Variants in CALD1 observed in about 807,000 individuals in gnomAD.
CALD1 encodes the protein caldesmon.
In CALD1, 33 loss-of-function variants were observed where a neutral mutation model predicts 99.9. The ratio of observed to expected loss-of-function variants is 0.33; its 90% CI spans 0.25 to 0.44. The LOEUF is 0.44. CALD1 is among the 20% of genes least tolerant of loss of function. The pLI is 1.00. For synonymous variants in CALD1, 310 were observed against 325.0 expected (o/e 0.95, Z 0.50); for missense variants, 861 against 962.1 (o/e 0.89, Z 1.39).
At chr7:134,763,134 G>A (rs1014598870) in intron 1 of CALD1, among the ~76,000 whole-genome samples, 3 of 152,096 alleles carry the variant, frequency 2.0e-5, no homozygotes, top group Admixed American at 6.5e-5. Context: ...TCTATCTAGA[G>A]TCACATATTG....
intron 7 of CALD1, among the ~76,000 whole-genome samples, chr7:134,945,135 T>G (rs1806757116): frequency 6.6e-6 from 1 of 152,220 alleles, no homozygotes; most frequent in African/African-American, 2.4e-5. Flanking sequence ...AATTCTGCAA[T>G]GAAATCCCTG....
At chr7:134,805,829 C>T (rs111524211) in intron 1 of CALD1, among the ~76,000 whole-genome samples, 1,647 of 151,568 alleles carry the variant, frequency 0.011, 27 homozygotes, top group African/African-American at 0.038. Flanking sequence ...GGTGTGATCT[C>T]GGCTCACTGC....
chr7:134,729,924 A>G, the CALD1 span, among the ~76,000 whole-genome samples: 1 of 152,148 alleles, frequency 6.6e-6, no homozygotes, highest in African/African-American at 2.4e-5. Flanking sequence ...GGAGAGTTGG[A>G]TGGGATTTAT....
At chr7:134,809,889 A>C (rs922195815) in intron 1 of CALD1, among the ~76,000 whole-genome samples, 3 of 152,188 alleles carry the variant, frequency 2.0e-5, no homozygotes, top group African/African-American at 7.2e-5. Context: ...AAATTAAGCT[A>C]TACAGACAGA....
At chr7:134,732,016 A>C in the CALD1 span, among the ~76,000 whole-genome samples, 1 of 152,260 alleles carries the variant, frequency 6.6e-6, no homozygotes, top group South Asian at 2.1e-4. Context: ...TTCTTGTCTC[A>C]CATCTGATTA....
At chr7:134,807,638 G>A (rs189313344) in intron 1 of CALD1, among the ~76,000 whole-genome samples, 19 of 152,272 alleles carry the variant, frequency 1.2e-4, no homozygotes, top group African/African-American at 4.3e-4. Flanking sequence ...AATAACTGGT[G>A]TTATGAAATG....
chr7:134,908,761 G>A (rs916935811), intron 3 of CALD1, among the ~76,000 whole-genome samples: 2 of 152,094 alleles, frequency 1.3e-5, no homozygotes, highest in African/African-American at 4.8e-5. Flanking sequence ...ATCTGGCCCC[G>A]TAAAGGGCCA....
intron 1 of CALD1, among the ~76,000 whole-genome samples, chr7:134,826,200 A>G (rs1298114871): frequency 6.6e-6 from 1 of 152,178 alleles, no homozygotes; most frequent in East Asian, 1.9e-4. Context: ...AATAAAGTAC[A>G]AAACTGATAT....
At chr7:134,750,911 C>T (rs934925700) in intron 1 of CALD1, among the ~76,000 whole-genome samples, 1 of 152,182 alleles carries the variant, frequency 6.6e-6, no homozygotes, top group African/African-American at 2.4e-5. Context: ...ATCTTATTGA[C>T]ATATCATACC....
rs148651175 is a variant in CALD1 at position 134,915,287 on chromosome 7, C to T, written c.72-13467C>T. ...TCCTTGCCTCCAAGTCTAGGTTCCA[C>T]GTGGATCAGTCAGGGAGAGGAATGT... On this transcript the variant is annotated intron_variant, in intron 3 of 14. Transcript: ENST00000361675. Among the ~76,000 whole-genome samples the T allele has an allele frequency of 2.4e-4, 37 of 152,322 alleles. 1 individual carries two copies. In the East Asian group the frequency reaches 6.7e-3, roughly 28 times the overall value.
upstream of CALD1, among the ~76,000 whole-genome samples, chr7:134,739,528 C>A (rs1032977388): frequency 2.6e-5 from 4 of 152,162 alleles, no homozygotes; most frequent in Admixed American, 2.6e-4. Context: ...CACTTCCCAG[C>A]CTCCCGTGCA....
upstream of CALD1, among the ~76,000 whole-genome samples, chr7:134,775,040 A>T (rs902301864): frequency 6.6e-6 from 1 of 151,972 alleles, no homozygotes; most frequent in African/African-American, 2.4e-5. Flanking sequence ...AAAAAAATTC[A>T]CCTTCAATTT....
At chr7:134,812,583 T>TA (rs55688126) in intron 1 of CALD1, among the ~76,000 whole-genome samples, 4,421 of 143,802 alleles carry the variant, frequency 0.031, 99 homozygotes, top group Non-Finnish European at 0.046. Flanking sequence ...AAAGAATAGT[T>TA]AAAAAAAAAA....
chr7:134,942,271 T>G (rs1202737670), intron 7 of CALD1, among the ~76,000 whole-genome samples: 1 of 152,240 alleles, frequency 6.6e-6, no homozygotes, highest in African/African-American at 2.4e-5. Context: ...AAATCTGACA[T>G]GCTCCTCACA....
chr7:134,958,700 A>G (rs971085092), intron 11 of CALD1, among the ~76,000 whole-genome samples: 3 of 151,886 alleles, frequency 2.0e-5, no homozygotes, highest in African/African-American at 2.4e-5. Context: ...CTGGCCCCCA[A>G]TAGTGTCAGA....
intron 2 of CALD1, among the ~76,000 whole-genome samples, chr7:134,859,391 T>C (rs1437013770): frequency 6.6e-6 from 1 of 152,254 alleles, no homozygotes; most frequent in East Asian, 1.9e-4. Flanking sequence ...TCATTTGTTC[T>C]TCTCTAGTGG....
intron 9 of CALD1, among the ~76,000 whole-genome samples, chr7:134,951,144 C>T (rs1364221801): frequency 6.6e-6 from 1 of 152,188 alleles, no homozygotes; most frequent in Non-Finnish European, 1.5e-5. Context: ...GTCCCATTCA[C>T]AAGGGCCTCA....
At chr7:134,958,675 T>C (rs1419125928) in intron 11 of CALD1, among the ~76,000 whole-genome samples, 2 of 151,756 alleles carry the variant, frequency 1.3e-5, no homozygotes, top group Non-Finnish European at 2.9e-5. Context: ...CAAAGCCGAA[T>C]GTGAGCCACC....
upstream of CALD1, among the ~76,000 whole-genome samples, chr7:134,744,074 G>T (rs1478685211): frequency 6.6e-6 from 1 of 152,216 alleles, no homozygotes. Context: ...AGCCATGGTC[G>T]AGGGGAAGAC....
Sources: gnomAD v4.1 joint callset for allele counts (sites outside exome capture counted in the v4.1 genomes callset) on GRCh38, gnomAD v4.1.1 for gene constraint, MANE v1.5 for transcripts, NCBI Gene and HGNC (gene_info 2026-07-23, HGNC 2026-07-21) for gene names.